The following TNS3 variants were observed in gnomAD, a reference collection of about 807,000 sequenced individuals.
TNS3 encodes tensin-3.
Under a neutral mutation model 140.9 loss-of-function variants are expected in TNS3, and 45 were observed. The observed-to-expected ratio is 0.32, with a 90% CI of 0.25 to 0.41. The LOEUF (loss-of-function observed/expected upper bound fraction) is 0.41, where lower values mean the gene tolerates loss of function less well. TNS3 is among the 10% of genes least tolerant of loss of function. TNS3 has a pLI of 1.00. For missense variants in TNS3, 1,716 were observed against 1,906.7 expected (o/e 0.90, Z 1.86); for synonymous variants, 815 against 788.4 (o/e 1.03, Z -0.56).
chr7:47,312,729 T>A (rs71545987), intron 20 of TNS3, among the ~76,000 whole-genome samples: 172 of 109,912 alleles, frequency 1.6e-3, no homozygotes, highest in Non-Finnish European at 1.8e-3. Flanking sequence ...AATAAAAAAA[T>A]AAAATGTCAG....
At chr7:47,454,969 G>C (rs140819919) in intron 4 of TNS3, among the ~76,000 whole-genome samples, 1 of 152,106 alleles carries the variant, frequency 6.6e-6, no homozygotes, top group African/African-American at 2.4e-5. Context: ...GCAGAGCTGC[G>C]TTCTGTCCTG....
At chr7:47,463,661 T>C (rs1796582241) in intron 4 of TNS3, among the ~76,000 whole-genome samples, 1 of 152,156 alleles carries the variant, frequency 6.6e-6, no homozygotes, top group African/African-American at 2.4e-5. Context: ...TGGCACTAAA[T>C]AGACTGTGGA....
intron 4 of TNS3, among the ~76,000 whole-genome samples, chr7:47,465,494 C>T (rs1424557537): frequency 6.6e-6 from 1 of 152,180 alleles, no homozygotes; most frequent in East Asian, 1.9e-4. Flanking sequence ...AGCCCCAGGT[C>T]CCACCACTTT....
intron 20 of TNS3, among the ~76,000 whole-genome samples, chr7:47,340,575 T>A (rs1788943898): frequency 7.4e-6 from 1 of 135,446 alleles, no homozygotes; most frequent in Non-Finnish European, 1.7e-5. Context: ...CCTGGGATTT[T>A]CTTTTTTTTC....
intron 16 of TNS3, among the ~76,000 whole-genome samples, chr7:47,384,172 C>T (rs1345586463): frequency 6.6e-6 from 1 of 152,228 alleles, no homozygotes; most frequent in East Asian, 1.9e-4. Flanking sequence ...CCTACCTGTC[C>T]ACCACACTGA....
At chr7:47,385,935 C>T (rs1469125685) in intron 16 of TNS3, among the ~76,000 whole-genome samples, 1 of 152,218 alleles carries the variant, frequency 6.6e-6, no homozygotes, top group African/African-American at 2.4e-5. Flanking sequence ...CCAAATCTTG[C>T]TATTGCTCTA....
rs78006906 is a variant in TNS3 at position 47,428,175 on chromosome 7, A to C, written c.389+137T>G. 3,798 of 522,116 alleles carry C rather than the reference A, an allele frequency of 7.3e-3. 113 individuals are homozygous for C. Among genetic ancestry groups the C allele is most frequent in the African/African-American group, 0.068 (3,467 of 50,884 alleles). The allele number at this position is 522,116 out of a possible 1,614,324, so 32.3% of individuals were successfully genotyped here. ...AAACTGGGTTTCTAGGCACTGACCA[A>C]CCCAGCACTGGGGAATGGGAAACAC... On this transcript the variant is annotated intron_variant, in intron 9 of 30. Coordinates refer to ENST00000311160, the MANE Select transcript of TNS3 (RefSeq NM_022748.12).
At chr7:47,503,230 G>C (rs1798292653) in intron 3 of TNS3, among the ~76,000 whole-genome samples, 1 of 152,154 alleles carries the variant, frequency 6.6e-6, no homozygotes. Context: ...AAATGTGTCT[G>C]CAAGTGGGCA....
rs576929290 is a variant in TNS3 at position 47,297,649 on chromosome 7, G to C, written c.3545-436C>G. Among the ~76,000 whole-genome samples the C allele has an allele frequency of 2.6e-5, 4 of 152,188 alleles. No homozygotes were observed. In the South Asian group the frequency reaches 8.3e-4, roughly 32 times the overall value. On this transcript the variant is annotated intron_variant, in intron 23 of 30. Coordinates refer to ENST00000311160, the MANE Select transcript of TNS3 (RefSeq NM_022748.12). ...AAGACCAGATCCAAATATACACAAA[G>C]GGGAGAAACAGGCAGTGGGAGGGAG...
chr7:47,483,513 C>T (rs914353369), intron 3 of TNS3, among the ~76,000 whole-genome samples: 15 of 152,206 alleles, frequency 9.9e-5, no homozygotes, highest in African/African-American at 3.6e-4. Context: ...CTTAAAAATA[C>T]AGTCTATAAT....
intron 4 of TNS3, among the ~76,000 whole-genome samples, chr7:47,449,517 C>T (rs1795914835): frequency 1.3e-5 from 2 of 152,222 alleles, no homozygotes; most frequent in Admixed American, 1.3e-4. Context: ...AAGCACTTGG[C>T]TCAGATGGCA....
intron 25 of TNS3, among the ~76,000 whole-genome samples, 188 bp from the exon 26 acceptor site, chr7:47,293,093 G>C (rs966497633): frequency 8.5e-5 from 13 of 152,232 alleles, no homozygotes; most frequent in Non-Finnish European, 1.5e-4. Flanking sequence ...CAAGATAGTT[G>C]AGAGGTAAGT....
intron 16 of TNS3, among the ~76,000 whole-genome samples, chr7:47,381,710 G>A (rs1406864253): frequency 6.6e-6 from 1 of 152,204 alleles, no homozygotes; most frequent in Non-Finnish European, 1.5e-5. Flanking sequence ...GGAGGTTAAG[G>A]TAAAACTCAG....
At chr7:47,557,336 A>G (rs1376946167) in intron 1 of TNS3, among the ~76,000 whole-genome samples, 1 of 152,204 alleles carries the variant, frequency 6.6e-6, no homozygotes, top group Non-Finnish European at 1.5e-5. Context: ...CACCAGAACC[A>G]TCAAACCTGC....
At chr7:47,342,039 G>C (rs1789048235) in intron 20 of TNS3, among the ~76,000 whole-genome samples, 1 of 152,062 alleles carries the variant, frequency 6.6e-6, no homozygotes, top group African/African-American at 2.4e-5. Flanking sequence ...TTCTGTTACT[G>C]ATTTCTAGTG....
chr7:47,471,897 T>C (rs1251387101), intron 4 of TNS3, among the ~76,000 whole-genome samples: 1 of 152,204 alleles, frequency 6.6e-6, no homozygotes, highest in African/African-American at 2.4e-5. Context: ...TGTATTAATT[T>C]CCTAAGGCTG....
At chr7:47,306,066 T>C (rs1786733364) in intron 20 of TNS3, among the ~76,000 whole-genome samples, 1 of 152,160 alleles carries the variant, frequency 6.6e-6, no homozygotes, top group African/African-American at 2.4e-5. Flanking sequence ...GGCTACCTTC[T>C]TTACCCTTCA....
At chr7:47,487,902 TA>T (rs1339244471) in intron 3 of TNS3, among the ~76,000 whole-genome samples, 1 of 152,120 alleles carries the variant, frequency 6.6e-6, no homozygotes, top group Non-Finnish European at 1.5e-5. Flanking sequence ...TCCTAAGTCA[TA>T]AAAACAGTCA....
chr7:47,314,562 G>A (rs1037434463), intron 20 of TNS3, among the ~76,000 whole-genome samples: 1 of 152,212 alleles, frequency 6.6e-6, no homozygotes. Flanking sequence ...TTCTAGAAAT[G>A]TGGCTCACCA....
Sources: gnomAD v4.1 joint callset for allele counts (sites outside exome capture counted in the v4.1 genomes callset) on GRCh38, gnomAD v4.1.1 for gene constraint, MANE v1.5 for transcripts, NCBI Gene and HGNC (gene_info 2026-07-23, HGNC 2026-07-21) for gene names.